PRKN: variants seen among roughly 807,000 people sequenced by gnomAD.
The protein encoded by PRKN is parkin RBR E3 ubiquitin protein ligase, also known as E3 ubiquitin-protein ligase parkin.
PRKN carries 56 observed loss-of-function variants against 59.5 expected under a neutral mutation model. That is an observed-to-expected ratio of 0.94 (90% CI 0.76 to 1.18). The LOEUF (loss-of-function observed/expected upper bound fraction) is 1.18, where lower values mean the gene tolerates loss of function less well. PRKN is among the 50% of genes most tolerant of loss of function. PRKN has a pLI of 0.00. For missense variants in PRKN, 657 were observed against 596.4 expected (o/e 1.10, Z -1.06); for synonymous variants, 250 against 222.1 (o/e 1.13, Z -1.12).
Position 161,349,202 on chromosome 6 carries a change from G to A in PRKN, c.*897C>T, listed in dbSNP as rs910901981. 2 of 220,370 alleles carry A rather than the reference G, an allele frequency of 9.1e-6. No individual in the cohort carries two copies. Among genetic ancestry groups the A allele is most frequent in the African/African-American group, 4.5e-5 (2 of 44,608 alleles). 13.7% of individuals were successfully genotyped at this position (220,370 alleles called of 1,614,324 possible). On this transcript the variant is annotated 3_prime_UTR_variant, in exon 12 of 12. Transcript: ENST00000366898. The surrounding 1 kb of genome is among the most constrained non-coding windows in gnomAD (Gnocchi z 5.5). Reference sequence around the variant, plus strand: ...CATTTCTAAACGTGTTTCCTTTATAGGCACTTTATCTATTAAATTTACAGT... The same window carrying A: ...CATTTCTAAACGTGTTTCCTTTATAAGCACTTTATCTATTAAATTTACAGT...
chr6:162,355,431 T>C (rs1459354828), intron 2 of PRKN, among the ~76,000 whole-genome samples: 2 of 146,038 alleles, frequency 1.4e-5, no homozygotes, highest in Non-Finnish European at 1.5e-5. Flanking sequence ...CAATTTAGTT[T>C]TTCATTTTGT....
chr6:162,503,214 G>A (rs750224417), intron 1 of PRKN, among the ~76,000 whole-genome samples: 13 of 144,212 alleles, frequency 9.0e-5, no homozygotes, highest in Non-Finnish European at 1.9e-4. Flanking sequence ...CCAGGCTGGA[G>A]TGCAATGGCA....
At chr6:162,172,925 G>A (rs1429653801) in intron 4 of PRKN, among the ~76,000 whole-genome samples, 1 of 152,120 alleles carries the variant, frequency 6.6e-6, no homozygotes, top group Non-Finnish European at 1.5e-5. Flanking sequence ...GGGGGCGTGT[G>A]GGAGTGTAGA....
At chr6:162,382,824 G>T (rs1786563979) in intron 2 of PRKN, among the ~76,000 whole-genome samples, 1 of 152,176 alleles carries the variant, frequency 6.6e-6, no homozygotes, top group African/African-American at 2.4e-5. Context: ...CCCTCTCAAA[G>T]CCACTGCTTT....
Position 161,551,616 on chromosome 6 carries a change from G to A in PRKN, c.934-2613C>T, listed in dbSNP as rs1459457750. 6.6e-6 allele frequency among the ~76,000 whole-genome samples: 1 copy of A among 152,130 alleles called. No homozygotes were observed. Among genetic ancestry groups the A allele is most frequent in the East Asian group, 1.9e-4 (1 of 5,172 alleles). On this transcript the variant is annotated intron_variant, in intron 8 of 11. Coordinates refer to ENST00000366898, the MANE Select transcript of PRKN (RefSeq NM_004562.3). This position sits in a 1 kb window ranked among gnomAD's most constrained non-coding sequence, Gnocchi z 5.2. ...ATTGCGGTCTTGAAAAGTCATTTCAGTGGAGTCATGGAGCCAAAAGCCTTT... is the reference window on the plus strand; with the variant it reads ...ATTGCGGTCTTGAAAAGTCATTTCAATGGAGTCATGGAGCCAAAAGCCTTT...
At chr6:162,466,183 AG>A (rs1202332404) in intron 1 of PRKN, among the ~76,000 whole-genome samples, 1 of 152,200 alleles carries the variant, frequency 6.6e-6, no homozygotes, top group African/African-American at 2.4e-5. Flanking sequence ...GCATGTATTG[AG>A]GAGGCAATAG....
At chr6:161,809,905 A>G (rs2128213159) in intron 6 of PRKN, among the ~76,000 whole-genome samples, 1 of 152,346 alleles carries the variant, frequency 6.6e-6, no homozygotes, top group Middle Eastern at 3.4e-3. Context: ...AGCAATGTGG[A>G]ATTCTTTCAA....
In PRKN at chr6:162,472,588, C is replaced by T. The variant is rs1449538245; in HGVS notation, c.8-29115G>A. On this transcript the variant is annotated intron_variant, in intron 1 of 11. Coordinates refer to ENST00000366898, the MANE Select transcript of PRKN (RefSeq NM_004562.3). Reference sequence around the variant, plus strand: ...CTGCAAGCTCCGCTTCCCGGGTTCACGCCATTCTCCTGCCTCAGCCTCCCG... The same window carrying T: ...CTGCAAGCTCCGCTTCCCGGGTTCATGCCATTCTCCTGCCTCAGCCTCCCG... 1.5e-5 allele frequency among the ~76,000 whole-genome samples: 2 copies of T among 130,186 alleles called. 1 individual carries two copies. The highest frequency in any genetic ancestry group is 3.3e-5 in the Non-Finnish European group (2 of 59,810). 85.4% of individuals were successfully genotyped at this position (130,186 alleles called of 152,430 possible).
chr6:161,558,596 C>T (rs1780333760), intron 8 of PRKN, among the ~76,000 whole-genome samples: 1 of 151,570 alleles, frequency 6.6e-6, no homozygotes, highest in South Asian at 2.1e-4. Flanking sequence ...GCTCACTATT[C>T]CTCTGCCATC....
intron 6 of PRKN, among the ~76,000 whole-genome samples, chr6:161,796,631 A>G (rs1790861435): frequency 6.6e-6 from 1 of 152,210 alleles, no homozygotes; most frequent in African/African-American, 2.4e-5. Flanking sequence ...CAGTTAATGG[A>G]GTTATGTTTT....
chr6:162,322,846 A>G (rs1320372444), intron 2 of PRKN, among the ~76,000 whole-genome samples: 1 of 152,042 alleles, frequency 6.6e-6, no homozygotes, highest in Non-Finnish European at 1.5e-5. Flanking sequence ...GATAGACTGG[A>G]TTAAGAAAAT....
At chr6:162,479,548 T>C (rs1424549527) in intron 1 of PRKN, among the ~76,000 whole-genome samples, 1 of 152,074 alleles carries the variant, frequency 6.6e-6, no homozygotes, top group East Asian at 1.9e-4. Context: ...AACATTTTTG[T>C]TAAAAAGCAA....
chr6:162,621,218 G>A (rs1166293975), intron 1 of PRKN, among the ~76,000 whole-genome samples: 1 of 152,084 alleles, frequency 6.6e-6, no homozygotes, highest in African/African-American at 2.4e-5. Context: ...AGCCCTTCCC[G>A]GGTTCTCTGG....
chr6:161,626,418 G>A (rs771415999), intron 7 of PRKN, among the ~76,000 whole-genome samples: 1 of 152,196 alleles, frequency 6.6e-6, no homozygotes, highest in Admixed American at 6.5e-5. Context: ...GTTAGTGGGC[G>A]CCAGTCCTTC....
intron 7 of PRKN, among the ~76,000 whole-genome samples, chr6:161,652,561 G>T (rs1438378159): frequency 6.6e-6 from 1 of 152,136 alleles, no homozygotes; most frequent in Non-Finnish European, 1.5e-5. Flanking sequence ...ACAGTCCAAT[G>T]TGTAGCGATA....
chr6:161,770,788 G>C (rs897601157), intron 7 of PRKN, among the ~76,000 whole-genome samples: 2 of 151,952 alleles, frequency 1.3e-5, no homozygotes, highest in African/African-American at 4.8e-5. Flanking sequence ...CCTTTAAAGA[G>C]GTAACATGAG....
intron 9 of PRKN, among the ~76,000 whole-genome samples, chr6:161,514,687 T>C (rs540230775): frequency 9.2e-5 from 14 of 152,032 alleles, no homozygotes; most frequent in East Asian, 7.8e-4. Context: ...TGGGACCTCA[T>C]TGTAAAGAGA....
At chr6:162,186,311 C>T (rs1438281232) in intron 4 of PRKN, among the ~76,000 whole-genome samples, 3 of 144,312 alleles carry the variant, frequency 2.1e-5, no homozygotes, top group East Asian at 2.0e-4. Context: ...TTTTAACAGA[C>T]TTTTTTTTTT....
intron 1 of PRKN, among the ~76,000 whole-genome samples, chr6:162,636,551 C>G (rs1156882081): frequency 6.6e-6 from 1 of 152,182 alleles, no homozygotes; most frequent in Non-Finnish European, 1.5e-5. Flanking sequence ...AATCTATGTT[C>G]CTGCTCAAGA....
Sources: allele counts gnomAD v4.1 joint callset (sites outside exome capture counted in the v4.1 genomes callset), GRCh38; gene constraint gnomAD v4.1.1; non-coding constraint Gnocchi (gnomAD v3.1); transcripts MANE v1.5; gene names NCBI Gene and HGNC (gene_info 2026-07-23, HGNC 2026-07-21).